The following SLC6A20 variants were observed in gnomAD, a reference collection of about 807,000 sequenced individuals.
The protein encoded by SLC6A20 is solute carrier family 6 member 20.
A neutral mutation model predicts 64.3 loss-of-function variants in SLC6A20; 73 were observed. The observed-to-expected ratio is 1.14, with a 90% CI of 0.94 to 1.38. SLC6A20 has a LOEUF of 1.38. Ranked by LOEUF, SLC6A20 falls within the 40% of genes most tolerant of loss-of-function variation. The probability of loss-of-function intolerance (pLI) is 0.00; values close to 1 mark genes in which losing one functional copy is unlikely to be tolerated. For synonymous variants in SLC6A20, 347 were observed against 329.6 expected, an observed-to-expected ratio of 1.05 and a Z score of -0.57; for missense variants, 725 against 772.8, an observed-to-expected ratio of 0.94 and a Z score of 0.73.
chr3:45,760,183 G>A (rs967843363), intron 9 of SLC6A20, among the ~76,000 whole-genome samples, 161 bp from the exon 10 acceptor site: 3 of 152,222 alleles, frequency 2.0e-5, no homozygotes, highest in Non-Finnish European at 2.9e-5. Context: ...CTTGAGAGAC[G>A]AGTGCTGCGG....
At position 45,757,849 on chromosome 3, in the gene SLC6A20, G is replaced by A. The variant is rs1575421379; in HGVS notation, c.*1129C>T. ...AAAATTAATTGTAAGTGGTATTTGTGGTCTTGATAGAGTTGGCCACGATGT... is the reference window on the plus strand; with the variant it reads ...AAAATTAATTGTAAGTGGTATTTGTAGTCTTGATAGAGTTGGCCACGATGT... On this transcript the variant is annotated 3_prime_UTR_variant, in exon 11 of 11. Transcript: ENST00000358525. The A allele has an allele frequency of 6.6e-6, 1 of 151,494 alleles. No individual in the cohort carries two copies. The highest frequency in any genetic ancestry group is 1.9e-4 in the East Asian group (1 of 5,166). 9.4% of individuals were successfully genotyped at this position (151,494 alleles called of 1,614,324 possible).
chr3:45,760,992 G>T (rs1259046929), intron 9 of SLC6A20, among the ~76,000 whole-genome samples: 2 of 152,210 alleles, frequency 1.3e-5, no homozygotes, highest in African/African-American at 4.8e-5. Flanking sequence ...GTGTGGGTGT[G>T]ACGTCACCAG....
intron 1 of SLC6A20, among the ~76,000 whole-genome samples, chr3:45,785,961 CGAG>C (rs1700163579): frequency 1.3e-5 from 2 of 152,188 alleles, no homozygotes; most frequent in South Asian, 2.1e-4. Flanking sequence ...TGAGAGGCCA[CGAG>C]GAGGAGAACC....
At position 45,756,622 on chromosome 3, in the gene SLC6A20, G is replaced by A. The variant is rs1699548042; in HGVS notation, c.*2356C>T. The A allele has an allele frequency of 6.6e-6, 1 of 152,104 alleles. No individual in the cohort carries two copies. The highest frequency in any genetic ancestry group is 2.4e-5 in the African/African-American group (1 of 41,402). The allele number at this position is 152,104 out of a possible 1,614,324, so 9.4% of individuals were successfully genotyped here. A position where few individuals can be genotyped will look rare whatever the true frequency, so the allele number is the denominator to read the frequency against. On this transcript the variant is annotated 3_prime_UTR_variant, in exon 11 of 11. Transcript: ENST00000358525. Reference sequence around the variant, plus strand: ...AAATAAAAAGACATCTCCGGCCAACGTCCCAGGTGAGTGTTTGTGTCTTCA... The same window carrying A: ...AAATAAAAAGACATCTCCGGCCAACATCCCAGGTGAGTGTTTGTGTCTTCA...
At chr3:45,784,093 C>T (rs1386571677) in intron 1 of SLC6A20, among the ~76,000 whole-genome samples, 1 of 152,204 alleles carries the variant, frequency 6.6e-6, no homozygotes, top group Non-Finnish European at 1.5e-5. Flanking sequence ...ACGACTGTCT[C>T]TCTGACAGGG....
Position 45,775,864 on chromosome 3 carries a change from A to T in SLC6A20, c.479T>A (p.Leu160His), listed in dbSNP as rs1699956804. 6.2e-7 allele frequency: 1 copy of T among 1,614,130 alleles called. No homozygotes were observed. The highest frequency in any genetic ancestry group is 8.5e-7 in the Non-Finnish European group (1 of 1,180,026). ...CCACTGCACACCCCCGTTCTCCTGG[A>T]GGGACGGCGAGATATTGAGGGTTTT... ...YRKTLNISPS[L>H]QENGGVQWEP... Residue 160 changes from leucine (L) to histidine (H), a missense_variant, in exon 4 of 11, where the codon CTC (leucine) becomes CAC (histidine). Physicochemically the swap from Leu to His is moderately conservative, Grantham distance 99 (BLOSUM62 -3). Coordinates refer to ENST00000358525, the MANE Select transcript of SLC6A20 (RefSeq NM_020208.4).
intron 8 of SLC6A20, among the ~76,000 whole-genome samples, chr3:45,763,433 A>G (rs997592868): frequency 6.6e-6 from 1 of 152,132 alleles, no homozygotes; most frequent in Non-Finnish European, 1.5e-5. Context: ...TGTTTATCCC[A>G]ACAACTCAGC....
chr3:45,778,297 G>A (rs1262249732), intron 3 of SLC6A20, among the ~76,000 whole-genome samples: 2 of 152,188 alleles, frequency 1.3e-5, no homozygotes, highest in Non-Finnish European at 2.9e-5. Flanking sequence ...GCCTCGTGGG[G>A]TGGCTGTTTT....
rs760400205 is a variant in SLC6A20, at chr3:45,796,382, T to C, written c.38A>G (p.Gln13Arg). ...KARPLWANSL[Q>R]FVFACISYAV... ...GTACGAGATGCAGGCGAACACGAAC[T>C]GTAGCGAGTTGGCCCACAGCGGCCG... The change falls in exon 1 of 11, where the codon CAG (glutamine) becomes CGG (arginine). Residue 13 changes from glutamine to arginine, a missense_variant. Coordinates refer to ENST00000358525, the MANE Select transcript of SLC6A20 (RefSeq NM_020208.4). 1 of 1,611,558 alleles carries C rather than the reference T, an allele frequency of 6.2e-7. No homozygotes were observed. The highest frequency in any genetic ancestry group is 2.2e-5 in the East Asian group (1 of 44,722).
At chr3:45,792,661 T>C (rs1575439355) in intron 1 of SLC6A20, among the ~76,000 whole-genome samples, 2 of 152,324 alleles carry the variant, frequency 1.3e-5, no homozygotes, top group African/African-American at 2.4e-5. Flanking sequence ...GGCTGGGTGC[T>C]GGCCTGAAGA....
rs1022586572 is a variant in SLC6A20 at position 45,765,687 on chromosome 3, T to C, written c.1153A>G (p.Met385Val). ...ACCGACCACAGCTGGGACACCTCCA[T>C]GTTTTTAATGGCCTCTGTGTAGACG... ...FIVYTEAIKN[M>V]EVSQLWSVLY... The change falls in exon 8 of 11, where the codon ATG becomes GTG. Residue 385 changes from methionine to valine, a missense_variant. Coordinates refer to ENST00000358525, the MANE Select transcript of SLC6A20 (RefSeq NM_020208.4). This position sits in a 1 kb window ranked among gnomAD's most constrained non-coding sequence, Gnocchi z 4.2. 1.2e-6 allele frequency: 2 copies of C among 1,614,194 alleles called. No individual in the cohort carries two copies. Among genetic ancestry groups the C allele is most frequent in the African/African-American group, 2.7e-5 (2 of 75,054 alleles).
Position 45,758,707 on chromosome 3 carries a change from G to A in SLC6A20, c.*271C>T. 8.0e-7 allele frequency: 1 copy of A among 1,242,860 alleles called. No homozygotes were observed. The highest frequency in any genetic ancestry group is 1.0e-6 in the Non-Finnish European group (1 of 991,584). 77.0% of individuals were successfully genotyped at this position (1,242,860 alleles called of 1,614,324 possible). A position where few individuals can be genotyped will look rare whatever the true frequency, so the allele number is the denominator to read the frequency against. On this transcript the variant is annotated 3_prime_UTR_variant, in exon 11 of 11. Transcript: ENST00000358525. The stretch of plus-strand genomic sequence containing the variant: ...TGTGCCCTAATTCTAGGGCTTTCCT[G>A]GAATGAAGGATGCAGTTATCTTTGA...
At chr3:45,781,486 G>C (rs527772688) in intron 2 of SLC6A20, among the ~76,000 whole-genome samples, 13 of 152,198 alleles carry the variant, frequency 8.5e-5, no homozygotes, top group Non-Finnish European at 1.5e-4. Flanking sequence ...GCAATGTGCA[G>C]GGCAGGTGGA....
intron 4 of SLC6A20, 25 bp from the exon 5 acceptor site, chr3:45,772,640 G>A: frequency 6.3e-7 from 1 of 1,596,166 alleles, no homozygotes; most frequent in Non-Finnish European, 8.6e-7. Context: ...GGGCAGAGTT[G>A]GCCTCCCGGA....
intron 3 of SLC6A20, among the ~76,000 whole-genome samples, chr3:45,778,893 C>G (rs1700021381): frequency 6.6e-6 from 1 of 152,188 alleles, no homozygotes; most frequent in South Asian, 2.1e-4. Flanking sequence ...CAACTAAGCT[C>G]AGGTTACAGC....
rs200055254 is a variant in SLC6A20, at chr3:45,772,249, GA to G, written c.693+255del. On this transcript the variant is annotated intron_variant, in intron 5 of 10. Coordinates refer to ENST00000358525, the MANE Select transcript of SLC6A20 (RefSeq NM_020208.4). ...AGTGGCAGGGGTGCAGCAGTTGGGG[GA>G]CAGTGAGGATGAAGAGGAGAAGCTG... 2.9e-3 allele frequency: 1,242 copies of G among 427,826 alleles called. 20 individuals carry two copies. The highest frequency in any genetic ancestry group is 0.022 in the South Asian group (716 of 31,904). 26.5% of individuals were successfully genotyped at this position (427,826 alleles called of 1,614,324 possible).
chr3:45,763,269 G>A (rs1356063281), intron 8 of SLC6A20, among the ~76,000 whole-genome samples, 197 bp from the exon 9 acceptor site: 1 of 152,196 alleles, frequency 6.6e-6, no homozygotes, highest in Non-Finnish European at 1.5e-5. Context: ...GCACAATGGT[G>A]TCCCGAAGCG....
Position 45,775,814 on chromosome 3 carries a change from C to A in SLC6A20, c.529G>T (p.Ala177Ser). ...QWEPALCLLL[A>S]WLVVYLCILR... ...ATGCACAGGTACACCACCAGCCAGG[C>A]CAGGAGGAGGCACAGCGCCGGCTCC... Residue 177 changes from alanine to serine, a missense_variant, in exon 4 of 11, where the codon GCC becomes TCC. Transcript: ENST00000358525. The A allele has an allele frequency of 6.2e-7, 1 of 1,614,160 alleles. No homozygotes were observed. The highest frequency in any genetic ancestry group is 8.5e-7 in the Non-Finnish European group (1 of 1,180,028).
intron 3 of SLC6A20, among the ~76,000 whole-genome samples, chr3:45,778,346 T>C (rs1273995229): frequency 3.9e-5 from 6 of 152,212 alleles, no homozygotes; most frequent in Admixed American, 2.0e-4. Flanking sequence ...CTGGGACCTA[T>C]GTCTGGCCCA....
Sources: allele counts gnomAD v4.1 joint callset (sites outside exome capture counted in the v4.1 genomes callset), GRCh38; gene constraint gnomAD v4.1.1; non-coding constraint Gnocchi (gnomAD v3.1); transcripts MANE v1.5; gene names NCBI Gene and HGNC (gene_info 2026-07-23, HGNC 2026-07-21).